Variants in AP1G1 observed in about 807,000 individuals in gnomAD.
The protein encoded by AP1G1 is AP-1 complex subunit gamma-1.
Under a neutral mutation model 108.3 loss-of-function variants are expected in AP1G1, and 7 were observed. The observed-to-expected ratio is 0.06, with a 90% CI of 0.04 to 0.12. The LOEUF is 0.12. AP1G1 is among the 10% of genes least tolerant of loss of function. The pLI is 1.00. For synonymous variants in AP1G1, 379 were observed against 353.5 expected (o/e 1.07, Z -0.81); for missense variants, 756 against 1,010.7 (o/e 0.75, Z 3.42).
intron 1 of AP1G1, among the ~76,000 whole-genome samples, chr16:71,795,706 C>G (rs995504817): frequency 1.3e-5 from 2 of 152,334 alleles, no homozygotes; most frequent in Middle Eastern, 3.4e-3. Context: ...TTGTATTATG[C>G]TTCAATCAGA....
chr16:71,804,707 T>G (rs1036512080), intron 1 of AP1G1, among the ~76,000 whole-genome samples: 1 of 152,146 alleles, frequency 6.6e-6, no homozygotes, highest in African/African-American at 2.4e-5. Flanking sequence ...TGCACCAGCC[T>G]GCTCTCTTAA....
At chr16:71,803,089 C>T (rs889683350) in intron 1 of AP1G1, among the ~76,000 whole-genome samples, 3 of 151,742 alleles carry the variant, frequency 2.0e-5, no homozygotes, top group African/African-American at 7.3e-5. Flanking sequence ...GTGGTGCACG[C>T]CTGCAGTCCC....
At chr16:71,755,664 G>C (rs1489229746) in intron 12 of AP1G1, among the ~76,000 whole-genome samples, 1 of 150,164 alleles carries the variant, frequency 6.7e-6, no homozygotes, top group African/African-American at 2.5e-5. Context: ...TTTTGTTTTT[G>C]AGATGGAGTC....
intron 4 of AP1G1, among the ~76,000 whole-genome samples, 159 bp from the exon 5 acceptor site, chr16:71,771,411 A>T (rs2031564615): frequency 6.6e-6 from 1 of 152,212 alleles, no homozygotes; most frequent in African/African-American, 2.4e-5. Context: ...GGCTCGACAC[A>T]GTGATAGCCC....
At chr16:71,771,032 G>T in intron 5 of AP1G1, 124 bp downstream of exon 5, 2 of 504,332 alleles carry the variant, frequency 4.0e-6, no homozygotes, top group South Asian at 3.8e-5. Flanking sequence ...TCCTGGAAAA[G>T]TGTCTAAGGC....
At chr16:71,779,747 T>A (rs544144685) in intron 2 of AP1G1, among the ~76,000 whole-genome samples, 1 of 152,162 alleles carries the variant, frequency 6.6e-6, no homozygotes, top group African/African-American at 2.4e-5. Flanking sequence ...GTACAAATGT[T>A]GCCATTTATC....
chr16:71,748,161 G>C, intron 16 of AP1G1, 90 bp downstream of exon 16: 1 of 1,413,696 alleles, frequency 7.1e-7, no homozygotes, highest in Non-Finnish European at 9.6e-7. Context: ...GTCTATGCTT[G>C]AAATTTTCCA....
chr16:71,747,776 G>C (rs1227562763), intron 16 of AP1G1, among the ~76,000 whole-genome samples: 1 of 152,002 alleles, frequency 6.6e-6, no homozygotes, highest in African/African-American at 2.4e-5. Flanking sequence ...GAGCCCAGGA[G>C]TTTGAGACCA....
At chr16:71,748,014 G>A (rs2030275694) in intron 16 of AP1G1, among the ~76,000 whole-genome samples, 3 of 152,128 alleles carry the variant, frequency 2.0e-5, no homozygotes, top group South Asian at 4.1e-4. Context: ...AAACTTTTCT[G>A]CTTCAAAATA....
intron 17 of AP1G1, 67 bp from the exon 18 acceptor site, chr16:71,745,681 A>G: frequency 7.3e-7 from 1 of 1,368,704 alleles, no homozygotes; most frequent in South Asian, 1.2e-5. Flanking sequence ...AATAATCACC[A>G]TTAACTATGT....
At chr16:71,750,582 T>C in intron 13 of AP1G1, 1 of 350,326 alleles carries the variant, frequency 2.9e-6, no homozygotes, top group East Asian at 6.3e-5. Context: ...ACCTGGCTAA[T>C]TTTTTCTATT....
Position 71,788,804 on chromosome 16 carries a change from G to A in AP1G1, c.201+475C>T, listed in dbSNP as rs377520835. Among the ~76,000 whole-genome samples the A allele has an allele frequency of 6.8e-5, 10 of 148,102 alleles. No homozygotes were observed. In the East Asian group the frequency reaches 1.6e-3, roughly 24 times the overall value. On this transcript the variant is annotated intron_variant, in intron 2 of 22. Transcript: ENST00000299980. ...AGCTTCCTGAGTAGCTGGGACTAAAGGCATGCTCTACCACACCATGCTTTT... is the reference window on the plus strand; with the variant it reads ...AGCTTCCTGAGTAGCTGGGACTAAAAGCATGCTCTACCACACCATGCTTTT...
In AP1G1 at chr16:71,773,322, G is replaced by C; in HGVS notation, c.367C>G (p.Leu123Val). The C allele has an allele frequency of 6.3e-7, 1 of 1,586,978 alleles. No homozygotes were observed. The highest frequency in any genetic ancestry group is 8.5e-7 in the Non-Finnish European group (1 of 1,172,168). ...GAGCCCATGCAGCCGAGGGTACAAA[G>C]TGCTAACCCCTGTACGAATTGCGTG... is the stretch of plus-strand genomic sequence containing the variant. The part of the protein sequence containing the change: ...HSTQFVQGLA[L>V]CTLGCMGSSE... Residue 123 changes from leucine (L) to valine (V), a missense_variant, in exon 4 of 23, where the codon CTT (leucine) becomes GTT (valine). Leu to Val is a conservative substitution (Grantham distance 32). This residue lies in a region of AP1G1 where 304 missense variants were observed against 483.6 expected (regional missense o/e 0.63). Transcript: ENST00000299980.
chr16:71,756,753 C>T (rs147396326), intron 11 of AP1G1, among the ~76,000 whole-genome samples: 419 of 151,910 alleles, frequency 2.8e-3, no homozygotes, highest in Non-Finnish European at 4.7e-3. Context: ...ACCAGCATGG[C>T]CAACATGGTG....
In AP1G1 at chr16:71,730,869, T is replaced by G. The variant is rs573129642; in HGVS notation, c.*2189A>C. 1.3e-5 allele frequency: 2 copies of G among 152,488 alleles called. No individual in the cohort carries two copies. The highest frequency in any genetic ancestry group is 2.1e-4 in the South Asian group (1 of 4,832). The allele number at this position is 152,488 out of a possible 1,614,324, so 9.4% of individuals were successfully genotyped here. ...CCAAGGAAATGCTCTGTCAGCAGAG[T>G]AGACCCTTCCCAGCTCCATTAGCTG... On this transcript the variant is annotated 3_prime_UTR_variant, in exon 23 of 23. Transcript: ENST00000299980.
Position 71,758,435 on chromosome 16 carries a change from T to G in AP1G1, c.1088+373A>C, listed in dbSNP as rs569595820. The G allele has an allele frequency of 1.2e-4, 62 of 524,284 alleles. 1 individual carries two copies. The East Asian group carries it at 3.1e-3, about 26-fold the overall frequency. The allele number at this position is 524,284 out of a possible 1,614,324, so 32.5% of individuals were successfully genotyped here. ...GTCAGCAGTTTGAGTGTCAGCATTG[T>G]GACAAGACACTTAGCCGATGGATCA... is the stretch of plus-strand genomic sequence containing the variant. On this transcript the variant is annotated intron_variant, in intron 11 of 22. Transcript: ENST00000299980.
chr16:71,801,408 T>C (rs887912271), intron 1 of AP1G1, among the ~76,000 whole-genome samples: 2 of 151,874 alleles, frequency 1.3e-5, no homozygotes, highest in Admixed American at 6.6e-5. Flanking sequence ...AAAATTCCTA[T>C]GTACACTTAC....
intron 19 of AP1G1, among the ~76,000 whole-genome samples, chr16:71,741,946 C>G (rs1344430811): frequency 6.6e-6 from 1 of 152,126 alleles, no homozygotes; most frequent in Non-Finnish European, 1.5e-5. Flanking sequence ...CTGCTCCAAA[C>G]CCTTTAAAAA....
intron 17 of AP1G1, among the ~76,000 whole-genome samples, chr16:71,746,282 T>C (rs2030176307): frequency 6.6e-6 from 1 of 152,162 alleles, no homozygotes; most frequent in African/African-American, 2.4e-5. Flanking sequence ...AGTGCTGGGA[T>C]TACAGGCGTG....
Sources: gnomAD v4.1 joint callset for allele counts (sites outside exome capture counted in the v4.1 genomes callset) on GRCh38, gnomAD v4.1.1 for gene constraint, gnomAD v4.1.1 regional missense constraint, MANE v1.5 for transcripts, NCBI Gene and HGNC (gene_info 2026-07-23, HGNC 2026-07-21) for gene names.